Variants in TNKS observed in about 807,000 individuals in gnomAD.
TNKS encodes tankyrase.
A neutral mutation model predicts 135.8 loss-of-function variants in TNKS; 72 were observed. That is an observed-to-expected ratio of 0.53 (90% confidence interval 0.44 to 0.64). TNKS has a LOEUF of 0.64. Among genes scored for constraint, TNKS ranks in the 30% least tolerant of loss-of-function variants. The probability of loss-of-function intolerance (pLI) is 0.00; values close to 1 mark genes in which losing one functional copy is unlikely to be tolerated. For missense variants in TNKS, 1,769 were observed against 1,674.0 expected (o/e 1.06, Z -0.99); for synonymous variants, 849 against 649.3 (o/e 1.31, Z -4.68).
In TNKS at chr8:9,716,606, A is replaced by T. The variant is rs557892916; in HGVS notation, c.1750-3768A>T. Among the ~76,000 whole-genome samples, 10 of 152,268 alleles carry T rather than the reference A, an allele frequency of 6.6e-5. No individual in the cohort carries two copies. In the South Asian group the frequency reaches 1.7e-3, roughly 25 times the overall value. ...TAGCTGAGATTCACAAAAGACCAGA[A>T]CAAGGAATTTAGAAACTATCAGGTA... On this transcript the variant is annotated intron_variant, in intron 11 of 26. Transcript: ENST00000310430.
chr8:9,733,248 T>G (rs755627683), intron 14 of TNKS, 31 bp from the exon 15 acceptor site: 9 of 1,529,584 alleles, frequency 5.9e-6, no homozygotes, highest in African/African-American at 1.4e-5. Flanking sequence ...AGGTTTGTTT[T>G]ATGACTTTAA....
At chr8:9,567,471 A>G (rs1015044226) in intron 1 of TNKS, among the ~76,000 whole-genome samples, 14 of 152,306 alleles carry the variant, frequency 9.2e-5, no homozygotes, top group Admixed American at 9.1e-4. Context: ...GCTGGAGCGC[A>G]GTGGCGCGAT....
chr8:9,701,077 G>C (rs1190248685), intron 5 of TNKS, among the ~76,000 whole-genome samples: 2 of 151,748 alleles, frequency 1.3e-5, no homozygotes, highest in African/African-American at 4.8e-5. Flanking sequence ...GGGACTACAG[G>C]TGCCCGCCAC....
chr8:9,664,899 A>T (rs943639523), intron 3 of TNKS, among the ~76,000 whole-genome samples: 1 of 152,210 alleles, frequency 6.6e-6, no homozygotes, highest in Non-Finnish European at 1.5e-5. Flanking sequence ...TTTCTATACC[A>T]TATCCCTATG....
chr8:9,579,158 T>G (rs1798069709), intron 1 of TNKS, among the ~76,000 whole-genome samples: 1 of 152,222 alleles, frequency 6.6e-6, no homozygotes, highest in Admixed American at 6.5e-5. Flanking sequence ...ACTGTGATAC[T>G]TCTTATAAAA....
intron 3 of TNKS, among the ~76,000 whole-genome samples, chr8:9,628,386 T>A (rs893721796): frequency 6.6e-6 from 1 of 152,188 alleles, no homozygotes; most frequent in African/African-American, 2.4e-5. Flanking sequence ...CTGAGTTTTT[T>A]AAGAAACTCT....
At chr8:9,712,182 A>G (rs1324551076) in intron 11 of TNKS, among the ~76,000 whole-genome samples, 1 of 152,228 alleles carries the variant, frequency 6.6e-6, no homozygotes, top group African/African-American at 2.4e-5. Context: ...ATTATCAAAA[A>G]TGAACTTAGA....
intron 3 of TNKS, among the ~76,000 whole-genome samples, chr8:9,644,095 G>T (rs1800820909): frequency 6.6e-6 from 1 of 152,276 alleles, no homozygotes; most frequent in Admixed American, 6.5e-5. Flanking sequence ...AAGTAAACTA[G>T]TGGTTGCCAG....
intron 23 of TNKS, among the ~76,000 whole-genome samples, 171 bp from the exon 24 acceptor site, chr8:9,765,521 C>G (rs768222238): frequency 3.3e-5 from 5 of 152,004 alleles, no homozygotes; most frequent in Non-Finnish European, 7.4e-5. Context: ...AATTATGTCA[C>G]TAACAGCTAG....
intron 2 of TNKS, among the ~76,000 whole-genome samples, chr8:9,595,912 G>A (rs4416825): frequency 0.12 from 18,179 of 152,076 alleles, 1,557 homozygotes; most frequent in East Asian, 0.28. Flanking sequence ...CAGAGTTTGA[G>A]ACCAGCCTGA....
chr8:9,708,307 T>A, intron 8 of TNKS, 64 bp from the exon 9 acceptor site: 13 of 1,331,144 alleles, frequency 9.8e-6, no homozygotes, highest in Non-Finnish European at 1.3e-5. Context: ...TTATTTATAA[T>A]CATGCTGAAG....
chr8:9,679,876 C>T (rs1706729517), intron 3 of TNKS, 75 bp from the exon 4 acceptor site: 1 of 1,207,718 alleles, frequency 8.3e-7, no homozygotes, highest in African/African-American at 1.5e-5. Flanking sequence ...ATTTAATTCT[C>T]TATTTGCTGC....
chr8:9,623,650 A>G (rs976196644), intron 3 of TNKS, among the ~76,000 whole-genome samples: 2 of 152,208 alleles, frequency 1.3e-5, no homozygotes, highest in Non-Finnish European at 2.9e-5. Flanking sequence ...TAAAAAATGT[A>G]TATCTGCAAA....
intron 2 of TNKS, among the ~76,000 whole-genome samples, chr8:9,609,137 A>G (rs1799348165): frequency 6.6e-6 from 1 of 152,124 alleles, no homozygotes; most frequent in Non-Finnish European, 1.5e-5. Context: ...CACAATAAGC[A>G]TGGTTCTTTT....
chr8:9,760,899 A>C (rs1164255109), intron 20 of TNKS, among the ~76,000 whole-genome samples: 1 of 152,240 alleles, frequency 6.6e-6, no homozygotes, highest in Non-Finnish European at 1.5e-5. Context: ...TTTAAAAAGA[A>C]TCTAATTTTC....
intron 26 of TNKS, among the ~76,000 whole-genome samples, chr8:9,776,210 CCTT>C (rs1423816425): frequency 6.6e-6 from 1 of 152,204 alleles, no homozygotes; most frequent in African/African-American, 2.4e-5. Flanking sequence ...CACCCTTACT[CCTT>C]CTAGCTCAGT....
chr8:9,700,958 G>A (rs2128805858), intron 5 of TNKS, among the ~76,000 whole-genome samples: 1 of 146,896 alleles, frequency 6.8e-6, no homozygotes, highest in South Asian at 2.1e-4. Flanking sequence ...TTTTGAGACG[G>A]AGTCTTGCTT....
At chr8:9,618,175 C>T (rs989102820) in intron 3 of TNKS, among the ~76,000 whole-genome samples, 12 of 152,078 alleles carry the variant, frequency 7.9e-5, no homozygotes, top group East Asian at 1.9e-4. Flanking sequence ...TTAGTAGAGA[C>T]GGGGTTTCAC....
intron 2 of TNKS, among the ~76,000 whole-genome samples, chr8:9,609,991 G>A (rs1799388224): frequency 1.3e-5 from 2 of 152,044 alleles, no homozygotes; most frequent in African/African-American, 4.8e-5. Context: ...CCGAGTAGCT[G>A]GGACTACAGG....
Sources: gnomAD v4.1 joint callset for allele counts (sites outside exome capture counted in the v4.1 genomes callset) on GRCh38, gnomAD v4.1.1 for gene constraint, MANE v1.5 for transcripts, NCBI Gene and HGNC (gene_info 2026-07-23, HGNC 2026-07-21) for gene names.